Variants in IBTK observed in about 807,000 individuals in gnomAD.
IBTK encodes the protein BTK-binding protein.
Under a neutral mutation model 154.9 loss-of-function variants are expected in IBTK, and 83 were observed. The observed-to-expected ratio is 0.54, with a 90% CI of 0.45 to 0.64. The LOEUF (loss-of-function observed/expected upper bound fraction) is 0.64, where lower values mean the gene tolerates loss of function less well. IBTK is among the 30% of genes least tolerant of loss of function. The pLI is 0.00. For missense variants in IBTK, 1,332 were observed against 1,584.6 expected (o/e 0.84, Z 2.71); for synonymous variants, 515 against 536.1 (o/e 0.96, Z 0.54).
At chr6:82,226,898 G>C (rs745550324) in intron 5 of IBTK, among the ~76,000 whole-genome samples, 1 of 152,132 alleles carries the variant, frequency 6.6e-6, no homozygotes, top group East Asian at 1.9e-4. Flanking sequence ...GAGCCACTGC[G>C]CCCGGCCTAG....
rs986999926 is a variant in IBTK at position 82,247,665 on chromosome 6, G to A, written c.-461C>T. The A allele has an allele frequency of 1.8e-4, 71 of 398,902 alleles. No homozygotes were observed. The Middle Eastern group carries it at 1.9e-3, about 11-fold the overall frequency. 24.7% of individuals were successfully genotyped at this position (398,902 alleles called of 1,614,324 possible). On this transcript the variant is annotated 5_prime_UTR_variant, in exon 1 of 29. Coordinates refer to ENST00000306270, the MANE Select transcript of IBTK (RefSeq NM_015525.4). Reference sequence around the variant, plus strand: ...CAATAAGAGAAACCGAACGGCGCCAGAGGGGCCAGTCCCCAGACCCGGGTC... The same window carrying A: ...CAATAAGAGAAACCGAACGGCGCCAAAGGGGCCAGTCCCCAGACCCGGGTC...
At chr6:82,247,041 G>A (rs1771176576) in intron 1 of IBTK, among the ~76,000 whole-genome samples, 1 of 151,142 alleles carries the variant, frequency 6.6e-6, no homozygotes, top group Non-Finnish European at 1.5e-5. Flanking sequence ...CAAAGGGCCT[G>A]TCTTCTCTGT....
chr6:82,239,367 C>CG (rs2127829076), intron 2 of IBTK, among the ~76,000 whole-genome samples: 1 of 152,010 alleles, frequency 6.6e-6, no homozygotes, highest in South Asian at 2.1e-4. Context: ...GGTGTGAACC[C>CG]GGGAGGCGGA....
intron 23 of IBTK, among the ~76,000 whole-genome samples, chr6:82,193,552 C>T (rs1305623314): frequency 2.0e-5 from 3 of 152,106 alleles, no homozygotes; most frequent in Admixed American, 2.0e-4. Context: ...TTAAACAGTC[C>T]AGATGATAAT....
intron 25 of IBTK, chr6:82,188,897 G>A: frequency 7.8e-6 from 2 of 256,274 alleles, no homozygotes; most frequent in Non-Finnish European, 1.5e-5. Flanking sequence ...GGGTGTGGTG[G>A]TAGGCATCTG....
Position 82,181,909 on chromosome 6 carries a change from A to G in IBTK, c.3695T>C (p.Ile1232Thr), listed in dbSNP as rs147509661. ...DHVKKVSFKG[I>T]ENSQAPKIVR... ...AATTTTTGGTGCCTGAGAATTTTCAATTCCTTTAAAAGAAACTTTTTTGAC... is the reference window on the plus strand; with the variant it reads ...AATTTTTGGTGCCTGAGAATTTTCAGTTCCTTTAAAAGAAACTTTTTTGAC... The change falls in exon 26 of 29, where the codon ATT (isoleucine) becomes ACT (threonine). Residue 1232 changes from isoleucine (I) to threonine (T), a missense_variant. Physicochemically the swap from Ile to Thr is moderately conservative, Grantham distance 89. Transcript: ENST00000306270. The G allele has an allele frequency of 3.2e-6, 5 of 1,583,948 alleles. No homozygotes were observed. Among genetic ancestry groups the G allele is most frequent in the Middle Eastern group, 1.7e-4 (1 of 5,722 alleles).
At chr6:82,174,496 G>A (rs1768040543) in intron 26 of IBTK, among the ~76,000 whole-genome samples, 1 of 152,090 alleles carries the variant, frequency 6.6e-6, no homozygotes, top group Non-Finnish European at 1.5e-5. Context: ...CAAATACATG[G>A]ACCTAAAAAA....
chr6:82,190,913 G>A (rs1163431042), intron 25 of IBTK, among the ~76,000 whole-genome samples, 160 bp downstream of exon 25: 1 of 151,926 alleles, frequency 6.6e-6, no homozygotes. Context: ...AAAAGTGTTT[G>A]TTTCCCAAGT....
At chr6:82,222,918 A>C (rs1770152174) in intron 8 of IBTK, among the ~76,000 whole-genome samples, 1 of 151,780 alleles carries the variant, frequency 6.6e-6, no homozygotes, top group African/African-American at 2.4e-5. Flanking sequence ...AAAAAAACAA[A>C]AACTTTATGA....
intron 22 of IBTK, among the ~76,000 whole-genome samples, chr6:82,195,147 T>C (rs1768932577): frequency 6.6e-6 from 1 of 152,182 alleles, no homozygotes; most frequent in Non-Finnish European, 1.5e-5. Flanking sequence ...ATATGTCTAT[T>C]TCCAGGATAG....
At chr6:82,175,516 A>C (rs990432310) in intron 26 of IBTK, among the ~76,000 whole-genome samples, 1 of 152,210 alleles carries the variant, frequency 6.6e-6, no homozygotes, top group African/African-American at 2.4e-5. Flanking sequence ...GGAGTCTGTC[A>C]AAATTTCTTC....
intron 10 of IBTK, among the ~76,000 whole-genome samples, chr6:82,217,060 G>A (rs979731107): frequency 6.6e-6 from 1 of 152,096 alleles, no homozygotes; most frequent in Non-Finnish European, 1.5e-5. Context: ...CTGGAAAAAA[G>A]TGGAAAGATA....
chr6:82,173,740 G>A (rs1322974946), intron 26 of IBTK, among the ~76,000 whole-genome samples: 2 of 144,068 alleles, frequency 1.4e-5, no homozygotes, highest in South Asian at 4.5e-4. Context: ...GCCGAATTTT[G>A]TAAGGAACTA....
In IBTK at chr6:82,210,880, T is replaced by C. The variant is rs752636898; in HGVS notation, c.2443A>G (p.Ile815Val). The change falls in exon 16 of 29, where the codon ATA becomes GTA. Residue 815 changes from isoleucine to valine, a missense_variant. By Grantham distance (29) the Ile-to-Val change is conservative. This residue lies in a region of IBTK where 1,134 missense variants were observed against 1,274.7 expected (regional missense o/e 0.89). Transcript: ENST00000306270. Reference protein sequence around the residue: ...ASSCAALEMPIHSDILKVILD... With the variant: ...ASSCAALEMPVHSDILKVILD... ...ATAACTTTTAATATATCAGAATGTATTGGCATTTCCAGAGCTGCACAACTG... is the reference window on the plus strand; with the variant it reads ...ATAACTTTTAATATATCAGAATGTACTGGCATTTCCAGAGCTGCACAACTG... 3.6e-5 allele frequency: 56 copies of C among 1,576,432 alleles called. No homozygotes were observed. In the East Asian group the frequency reaches 6.7e-4, roughly 19 times the overall value.
At chr6:82,204,785 TA>T in intron 17 of IBTK, 71 bp downstream of exon 17, 1 of 919,672 alleles carries the variant, frequency 1.1e-6, no homozygotes, top group Non-Finnish European at 1.6e-6. Flanking sequence ...AGTGGAATCA[TA>T]AAGTCAATAA....
intron 25 of IBTK, among the ~76,000 whole-genome samples, chr6:82,185,309 C>A (rs961083877): frequency 1.3e-5 from 2 of 150,822 alleles, no homozygotes; most frequent in South Asian, 2.1e-4. Flanking sequence ...GCCTGTAATC[C>A]CAACACTTTC....
rs375017614 is a variant in IBTK at position 82,181,991 on chromosome 6, G to C, written c.3613C>G (p.Arg1205Gly). ...TTTTTTTCTTCTAGTAAGAAATCCC[G>C]GAATGACTTGGATGAAACTGAATGC... ...SLHSVSSKSF[R>G]DFLLEEKKSV... is the part of the protein sequence containing the mutation. The change falls in exon 26 of 29, where the codon CGG becomes GGG. Residue 1205 changes from arginine to glycine, a missense_variant. Arg to Gly is a moderately radical substitution (Grantham distance 125). This residue lies in a region of IBTK where 1,134 missense variants were observed against 1,274.7 expected (regional missense o/e 0.89). Coordinates refer to ENST00000306270, the MANE Select transcript of IBTK (RefSeq NM_015525.4). 1 of 1,605,518 alleles carries C rather than the reference G, an allele frequency of 6.2e-7. No homozygotes were observed. Among genetic ancestry groups the C allele is most frequent in the South Asian group, 1.1e-5 (1 of 88,728 alleles).
chr6:82,236,772 C>T (rs908003004), intron 2 of IBTK, among the ~76,000 whole-genome samples: 3 of 152,118 alleles, frequency 2.0e-5, no homozygotes, highest in Middle Eastern at 3.2e-3. Flanking sequence ...ACATCAGAGA[C>T]GGAACTGACA....
intron 3 of IBTK, among the ~76,000 whole-genome samples, chr6:82,233,878 T>A (rs765735626): frequency 2.6e-5 from 4 of 151,880 alleles, no homozygotes; most frequent in Non-Finnish European, 5.9e-5. Context: ...TAACTAGGAT[T>A]GCCTGCTACC....
Sources: gnomAD v4.1 joint callset for allele counts (sites outside exome capture counted in the v4.1 genomes callset) on GRCh38, gnomAD v4.1.1 for gene constraint, gnomAD v4.1.1 regional missense constraint, MANE v1.5 for transcripts, NCBI Gene and HGNC (gene_info 2026-07-23, HGNC 2026-07-21) for gene names.